Variants in PARP8 observed in about 807,000 individuals in gnomAD.
The protein encoded by PARP8 is protein mono-ADP-ribosyltransferase PARP8.
A neutral mutation model predicts 124.1 loss-of-function variants in PARP8; 51 were observed. The observed-to-expected ratio is 0.41, with a 90% CI of 0.33 to 0.52. The LOEUF (loss-of-function observed/expected upper bound fraction) is 0.52, where lower values mean the gene tolerates loss of function less well. Among genes scored for constraint, PARP8 ranks in the 20% least tolerant of loss-of-function variants. The probability of loss-of-function intolerance (pLI) is 0.21; values close to 1 mark genes in which losing one functional copy is unlikely to be tolerated. For synonymous variants in PARP8, 391 were observed against 361.5 expected (o/e 1.08, Z -0.93); for missense variants, 860 against 1,018.9 (o/e 0.84, Z 2.12).
In PARP8 at chr5:50,815,516, GGAGCTCA is replaced by G; in HGVS notation, c.1662_1668del (p.Ala555TrpfsTer2). 1 of 1,589,980 alleles carries G rather than the reference GGAGCTCA, an allele frequency of 6.3e-7. No individual in the cohort carries two copies. Among genetic ancestry groups the G allele is most frequent in the Non-Finnish European group, 8.6e-7 (1 of 1,169,280 alleles). On this transcript the variant is annotated frameshift_variant and splice_region_variant, in exon 15 of 26. Transcript: ENST00000281631. LOFTEE classifies it high-confidence loss of function. Reference sequence around the variant, plus strand: ...TGAAGCTGCTGATGAAATAGCAACTGGAGCTCAGGTAGTAACACAGGATACTAATTAT... The same window carrying G: ...TGAAGCTGCTGATGAAATAGCAACTGGGTAGTAACACAGGATACTAATTAT...
At chr5:50,784,676 T>C (rs1385898672) in intron 9 of PARP8, among the ~76,000 whole-genome samples, 1 of 152,142 alleles carries the variant, frequency 6.6e-6, no homozygotes, top group Admixed American at 6.5e-5. Flanking sequence ...TCACTAGTAC[T>C]TTCTGTCAAG....
Position 50,842,168 on chromosome 5 carries a change from A to G in PARP8, c.*100A>G, listed in dbSNP as rs541882067. ...ATAAAATTATTTATTGTTATTATAA[A>G]CAAAATTAACCCTTTGAATACTGAT... On this transcript the variant is annotated 3_prime_UTR_variant, in exon 26 of 26. Transcript: ENST00000281631. 2.5e-6 allele frequency: 2 copies of G among 808,964 alleles called. No individual in the cohort carries two copies. The highest frequency in any genetic ancestry group is 1.7e-5 in the South Asian group (1 of 57,212). The allele number at this position is 808,964 out of a possible 1,614,324, so 50.1% of individuals were successfully genotyped here.
Position 50,667,195 on chromosome 5 carries a change from T to C in PARP8, c.91+9T>C, listed in dbSNP as rs1194318137. 1.3e-6 allele frequency: 2 copies of C among 1,596,332 alleles called. No homozygotes were observed. Among genetic ancestry groups the C allele is most frequent in the East Asian group, 4.5e-5 (2 of 44,862 alleles). On this transcript the variant is annotated intron_variant, in intron 1 of 25. Transcript: ENST00000281631. ...GGACTGCCTGTTTGCAGGTGAGTTC[T>C]TGCTTTTCCAGAACCTCGGACCCAG... is the stretch of plus-strand genomic sequence containing the variant.
intron 14 of PARP8, among the ~76,000 whole-genome samples, chr5:50,811,434 A>C (rs1234351240): frequency 2.0e-5 from 3 of 152,134 alleles, no homozygotes; most frequent in African/African-American, 7.2e-5. Context: ...AGAATGACAC[A>C]TGAATACCTA....
Position 50,796,044 on chromosome 5 carries a change from A to T in PARP8, c.1428+627A>T, listed in dbSNP as rs148918842. ...AGTCCTTTTGATGCTATTTATCAAG[A>T]GTAACTCTTACACAAAATTTATCGC... On this transcript the variant is annotated intron_variant, in intron 12 of 25. Coordinates refer to ENST00000281631, the MANE Select transcript of PARP8 (RefSeq NM_024615.4). 1.1e-3 allele frequency among the ~76,000 whole-genome samples: 164 copies of T among 152,372 alleles called. 2 individuals carry two copies. Among genetic ancestry groups the T allele is most frequent in the African/African-American group, 3.6e-3 (148 of 41,588 alleles).
In PARP8 at chr5:50,842,446, G is replaced by C. The variant is rs550007977; in HGVS notation, c.*378G>C. 4.4e-5 allele frequency: 8 copies of C among 181,096 alleles called. No homozygotes were observed. Among genetic ancestry groups the C allele is most frequent in the African/African-American group, 1.9e-4 (8 of 41,490 alleles). 11.2% of individuals were successfully genotyped at this position (181,096 alleles called of 1,614,324 possible). ...ATAGAATTGAGAACATTTTATAATG[G>C]CATCTAAATCTATCAGATACTTTGC... On this transcript the variant is annotated 3_prime_UTR_variant, in exon 26 of 26. Coordinates refer to ENST00000281631, the MANE Select transcript of PARP8 (RefSeq NM_024615.4).
chr5:50,814,096 C>T (rs1744810773), intron 14 of PARP8, among the ~76,000 whole-genome samples: 1 of 152,020 alleles, frequency 6.6e-6, no homozygotes, highest in South Asian at 2.1e-4. Context: ...TTATCTTCTC[C>T]TTGGATTCTT....
intron 2 of PARP8, among the ~76,000 whole-genome samples, chr5:50,712,077 A>C (rs34389644): frequency 0.21 from 31,266 of 152,030 alleles, 3,400 homozygotes; most frequent in South Asian, 0.34. Context: ...TTCTTTATCA[A>C]TTTTAAGAGT....
At chr5:50,772,953 C>A (rs1457494940) in intron 7 of PARP8, among the ~76,000 whole-genome samples, 1 of 152,220 alleles carries the variant, frequency 6.6e-6, no homozygotes, top group African/African-American at 2.4e-5. Flanking sequence ...CCAGCTTGGC[C>A]TCCCAAAATG....
At chr5:50,733,063 A>T (rs1332404366) in intron 2 of PARP8, among the ~76,000 whole-genome samples, 1 of 151,816 alleles carries the variant, frequency 6.6e-6, no homozygotes, top group East Asian at 2.0e-4. Context: ...GCACTTTGGG[A>T]GGCCAAAGCG....
chr5:50,775,223 T>C (rs549588266), intron 7 of PARP8, among the ~76,000 whole-genome samples: 1 of 152,202 alleles, frequency 6.6e-6, no homozygotes, highest in South Asian at 2.1e-4. Context: ...AGGTGGAGGT[T>C]GTAGTGAGCC....
intron 1 of PARP8, 86 bp downstream of exon 1, chr5:50,667,272 G>T: frequency 1.4e-6 from 2 of 1,383,596 alleles, no homozygotes; most frequent in Non-Finnish European, 2.0e-6. Flanking sequence ...GGGTGGGGTG[G>T]AGGGTTGCAC....
chr5:50,755,324 T>C (rs1759805831), intron 3 of PARP8, among the ~76,000 whole-genome samples: 2 of 152,220 alleles, frequency 1.3e-5, no homozygotes, highest in African/African-American at 4.8e-5. Context: ...GTCTAACATT[T>C]AAGTCTTTAA....
At chr5:50,721,603 G>A (rs1408313099) in intron 2 of PARP8, among the ~76,000 whole-genome samples, 6 of 151,964 alleles carry the variant, frequency 3.9e-5, no homozygotes, top group Non-Finnish European at 5.9e-5. Context: ...TTCTGTGGCC[G>A]ATTAATTCAA....
intron 2 of PARP8, among the ~76,000 whole-genome samples, chr5:50,700,344 A>G (rs1455493154): frequency 6.6e-6 from 1 of 152,202 alleles, no homozygotes. Context: ...TCATCTAACT[A>G]TTGATTATTC....
intron 23 of PARP8, chr5:50,833,523 A>G (rs1747223503): frequency 2.9e-6 from 1 of 348,958 alleles, no homozygotes; most frequent in Non-Finnish European, 5.6e-6. Context: ...AAAAAAAAAA[A>G]AATCCCAGAT....
intron 2 of PARP8, among the ~76,000 whole-genome samples, chr5:50,685,824 G>C (rs1200112368): frequency 3.9e-5 from 6 of 152,190 alleles, no homozygotes; most frequent in African/African-American, 1.4e-4. Context: ...CAGGCAAAGA[G>C]AGCTTGTGCA....
chr5:50,790,376 C>T (rs951191171), intron 10 of PARP8, among the ~76,000 whole-genome samples: 5 of 152,054 alleles, frequency 3.3e-5, no homozygotes, highest in African/African-American at 9.7e-5. Context: ...CCATATCCTG[C>T]GTGTCTTGGA....
chr5:50,756,482 C>T lies in PARP8; in HGVS notation c.185-3161C>T, dbSNP rs1260775714. On this transcript the variant is annotated intron_variant, in intron 3 of 25. Coordinates refer to ENST00000281631, the MANE Select transcript of PARP8 (RefSeq NM_024615.4). The stretch of plus-strand genomic sequence containing the variant: ...AGATTTAGAAGTAATTAAGCAAGAA[C>T]AAAAAGCCAACAGAATGGATTCATA... Among the ~76,000 whole-genome samples the T allele has an allele frequency of 7.2e-5, 11 of 151,908 alleles. No homozygotes were observed. In the South Asian group the frequency reaches 2.3e-3, roughly 32 times the overall value.
Sources: allele counts gnomAD v4.1 joint callset (sites outside exome capture counted in the v4.1 genomes callset), GRCh38; gene constraint gnomAD v4.1.1; transcripts MANE v1.5; gene names NCBI Gene and HGNC (gene_info 2026-07-23, HGNC 2026-07-21).